ZFP1: variants seen among roughly 807,000 people sequenced by gnomAD.
The protein encoded by ZFP1 is ZFP1 zinc finger protein.
In ZFP1, 32 loss-of-function variants were observed where a neutral mutation model predicts 38.5. The observed-to-expected ratio is 0.83, with a 90% CI of 0.63 to 1.12. The LOEUF (loss-of-function observed/expected upper bound fraction) is 1.12, where lower values mean the gene tolerates loss of function less well. Among genes scored for constraint, ZFP1 ranks in the 50% most tolerant of loss-of-function variants. ZFP1 has a pLI of 0.00. For synonymous variants in ZFP1, 245 were observed against 168.8 expected (o/e 1.45, Z -3.50); for missense variants, 616 against 480.8 (o/e 1.28, Z -2.63).
chr16:75,166,836 T>C lies in ZFP1; in HGVS notation c.82T>C (p.Ser28Pro), dbSNP rs1208237476. ...TQEEWEQLDP[S>P]QRILYMDVML... is the part of the protein sequence containing the mutation. ...GGAGGAATGGGAACAACTGGACCCC[T>C]CTCAGAGGATCCTATACATGGATGT... The change falls in exon 3 of 4, where the codon TCT becomes CCT. Residue 28 changes from serine (S) to proline (P), a missense_variant. By Grantham distance (74) the Ser-to-Pro change is moderately conservative. Coordinates refer to ENST00000570010, the MANE Select transcript of ZFP1 (RefSeq NM_153688.4). The C allele has an allele frequency of 1.9e-6, 3 of 1,614,160 alleles. No homozygotes were observed. The highest frequency in any genetic ancestry group is 1.7e-5 in the Admixed American group (1 of 60,022).
At chr16:75,124,504 C>G in the ZFP1 span, among the ~76,000 whole-genome samples, 1 of 145,708 alleles carries the variant, frequency 6.9e-6, no homozygotes, top group Non-Finnish European at 1.5e-5. Flanking sequence ...GTAAAAGGGG[C>G]CGGGCATGGT....
the ZFP1 span, among the ~76,000 whole-genome samples, chr16:75,141,322 C>A: frequency 6.6e-6 from 1 of 151,174 alleles, no homozygotes; most frequent in Admixed American, 6.6e-5. Context: ...CCTGCCTCAG[C>A]CTCCCGAGTA....
At chr16:75,161,005 A>T (rs1308384989) in intron 2 of ZFP1, among the ~76,000 whole-genome samples, 2 of 152,148 alleles carry the variant, frequency 1.3e-5, no homozygotes, top group Admixed American at 1.3e-4. Context: ...CTCAAACCAT[A>T]GCATTGCCCC....
chr16:75,128,564 T>G, the ZFP1 span, among the ~76,000 whole-genome samples: 5 of 152,240 alleles, frequency 3.3e-5, no homozygotes, highest in Non-Finnish European at 7.3e-5. Context: ...CAATTCTTAT[T>G]ATTATCTACA....
At chr16:75,123,457 A>ATATG in the ZFP1 span, among the ~76,000 whole-genome samples, 5 of 31,662 alleles carry the variant, frequency 1.6e-4, no homozygotes, top group African/African-American at 3.9e-4. Context: ...GTGTATATGT[A>ATATG]TATATATATA....
chr16:75,146,697 G>C (rs181303675), upstream of ZFP1, among the ~76,000 whole-genome samples: 2 of 152,200 alleles, frequency 1.3e-5, no homozygotes, highest in East Asian at 3.9e-4. Context: ...CCCGCACTTT[G>C]GGAGGCCAAG....
the ZFP1 span, among the ~76,000 whole-genome samples, chr16:75,123,846 C>G: frequency 1.3e-5 from 2 of 151,644 alleles, no homozygotes; most frequent in Admixed American, 6.6e-5. Flanking sequence ...AATCCCAGCA[C>G]TTTAGGAGGC....
chr16:75,168,135 G>T (rs139220019), intron 3 of ZFP1, among the ~76,000 whole-genome samples: 68 of 152,294 alleles, frequency 4.5e-4, no homozygotes, highest in Non-Finnish European at 8.2e-4. Flanking sequence ...GGGATTACAG[G>T]CATGAGCCAG....
the ZFP1 span, among the ~76,000 whole-genome samples, chr16:75,139,535 TAAAC>T: frequency 6.6e-6 from 1 of 151,576 alleles, no homozygotes; most frequent in Non-Finnish European, 1.5e-5. Context: ...CTACCAAAAA[TAAAC>T]AAATAAGTTG....
chr16:75,161,836 A>T (rs1456077793), intron 2 of ZFP1, among the ~76,000 whole-genome samples: 2 of 119,612 alleles, frequency 1.7e-5, no homozygotes, highest in Non-Finnish European at 3.3e-5. Context: ...CCAGGCTGGA[A>T]TGCAGTAGCA....
At chr16:75,152,061 A>G (rs2037230219) in intron 1 of ZFP1, among the ~76,000 whole-genome samples, 1 of 152,136 alleles carries the variant, frequency 6.6e-6, no homozygotes, top group Non-Finnish European at 1.5e-5. Context: ...TTCTGATGAG[A>G]AGGTGGCTAT....
chr16:75,161,222 C>G (rs931404146), intron 2 of ZFP1, among the ~76,000 whole-genome samples: 2 of 152,026 alleles, frequency 1.3e-5, no homozygotes, highest in Admixed American at 1.3e-4. Flanking sequence ...GTGTGCGCCA[C>G]CACGCCTGGC....
chr16:75,122,738 C>T, the ZFP1 span, among the ~76,000 whole-genome samples: 1 of 152,228 alleles, frequency 6.6e-6, no homozygotes, highest in African/African-American at 2.4e-5. Flanking sequence ...TTTGGAAAAG[C>T]ACTGTTATCA....
the ZFP1 span, among the ~76,000 whole-genome samples, chr16:75,133,915 G>C: frequency 6.6e-6 from 1 of 150,572 alleles, no homozygotes; most frequent in Non-Finnish European, 1.5e-5. Context: ...CAGGCGTGCT[G>C]GTGCATGCCT....
At chr16:75,149,422 A>G (rs1171282468) in intron 1 of ZFP1, among the ~76,000 whole-genome samples, 1 of 152,094 alleles carries the variant, frequency 6.6e-6, no homozygotes, top group Non-Finnish European at 1.5e-5. Context: ...GAAATACGAA[A>G]GTTTTCCCAT....
chr16:75,127,914 T>C, the ZFP1 span: 1 of 152,262 alleles, frequency 6.6e-6, no homozygotes, highest in Admixed American at 6.5e-5. Flanking sequence ...CATATTTGTT[T>C]CTCTCTACCT....
intron 2 of ZFP1, among the ~76,000 whole-genome samples, chr16:75,165,718 ATT>A (rs573507213): frequency 4.1e-5 from 6 of 145,902 alleles, no homozygotes; most frequent in Non-Finnish European, 9.1e-5. Context: ...TATGCTGAGT[ATT>A]TTTTTTTTTT....
intron 2 of ZFP1, among the ~76,000 whole-genome samples, chr16:75,161,848 G>T (rs2037807594): frequency 7.8e-6 from 1 of 127,960 alleles, no homozygotes; most frequent in African/African-American, 3.1e-5. Context: ...GCAGTAGCAC[G>T]ATCTAGGCTC....
intron 2 of ZFP1, among the ~76,000 whole-genome samples, chr16:75,161,258 G>A (rs771536162): frequency 4.0e-5 from 6 of 151,898 alleles, no homozygotes; most frequent in African/African-American, 9.7e-5. Flanking sequence ...TAGTAGAAAC[G>A]GGGTTTCTCC....
Sources: allele counts gnomAD v4.1 joint callset (sites outside exome capture counted in the v4.1 genomes callset), GRCh38; gene constraint gnomAD v4.1.1; transcripts MANE v1.5; gene names NCBI Gene and HGNC (gene_info 2026-07-23, HGNC 2026-07-21).